The following RAPGEF1 variants were observed in gnomAD, a reference collection of about 807,000 sequenced individuals.
RAPGEF1 encodes the protein Rap guanine nucleotide exchange factor 1.
In RAPGEF1, 33 loss-of-function variants were observed where a neutral mutation model predicts 143.3. The ratio of observed to expected loss-of-function variants is 0.23; its 90% CI spans 0.17 to 0.31. The LOEUF (loss-of-function observed/expected upper bound fraction) is 0.31. Among genes scored for constraint, RAPGEF1 ranks in the 10% least tolerant of loss-of-function variants. RAPGEF1 has a pLI of 1.00. For synonymous variants in RAPGEF1, 629 were observed against 676.5 expected, an observed-to-expected ratio of 0.93 and a Z score of 1.09; for missense variants, 1,199 against 1,645.4, an observed-to-expected ratio of 0.73 and a Z score of 4.69.
Position 131,629,088 on chromosome 9 carries a change from A to G in RAPGEF1, c.893+14T>C. The G allele has an allele frequency of 6.2e-7, 1 of 1,610,022 alleles. No homozygotes were observed. Among genetic ancestry groups the G allele is most frequent in the Non-Finnish European group, 8.5e-7 (1 of 1,177,600 alleles). On this transcript the variant is annotated intron_variant, in intron 7 of 26. Transcript: ENST00000683357. Reference sequence around the variant, plus strand: ...CTGCCATGGGAGGCACTGGACAAATAGGAAGGTAATTACCTATTATCAACC... The same window carrying G: ...CTGCCATGGGAGGCACTGGACAAATGGGAAGGTAATTACCTATTATCAACC...
chr9:131,589,024 G>A (rs763244897), intron 19 of RAPGEF1, 38 bp from the exon 20 acceptor site: 11 of 1,589,940 alleles, frequency 6.9e-6, no homozygotes, highest in Middle Eastern at 1.7e-4. Flanking sequence ...GAGCAGGAAC[G>A]CAAGGCCCAG....
intron 1 of RAPGEF1, among the ~76,000 whole-genome samples, chr9:131,690,888 T>G (rs1033198240): frequency 1.3e-4 from 20 of 152,268 alleles, no homozygotes; most frequent in African/African-American, 4.3e-4. Flanking sequence ...TCTTGTTATC[T>G]ACAGTTAATT....
chr9:131,598,297 G>C lies in RAPGEF1; in HGVS notation c.2515C>G (p.Pro839Ala), dbSNP rs776348528. ...GACTGAGCCGACTCCAGAGCATCTG[G>C]TGACTTTGGGGCCCTGCGGGGAGAA... ...RDGSERAPKS[P>A]DALESAQSEE... The change falls in exon 16 of 27, where the codon CCA becomes GCA. Residue 839 changes from proline (P) to alanine (A), a missense_variant. Around this residue, in one of 6 missense-constraint regions of RAPGEF1, gnomAD observed 293 missense variants for 356.2 expected, o/e 0.82. Coordinates refer to ENST00000683357, the MANE Select transcript of RAPGEF1 (RefSeq NM_001377935.1). 6.2e-7 allele frequency: 1 copy of C among 1,613,820 alleles called. No homozygotes were observed. Among genetic ancestry groups the C allele is most frequent in the African/African-American group, 1.3e-5 (1 of 74,948 alleles).
chr9:131,647,115 C>T (rs1401328790), intron 3 of RAPGEF1, among the ~76,000 whole-genome samples: 7 of 152,232 alleles, frequency 4.6e-5, no homozygotes, highest in Admixed American at 2.6e-4. Context: ...ACAACTTCAA[C>T]ACTCTGCAGC....
In RAPGEF1 at chr9:131,740,048, G is replaced by A. The variant is rs1335000284; in HGVS notation, c.-218C>T. ...CCCGCGCGCCCGCCGCCGCTCCCCC[G>A]GCCCGCGAGCCGGCCGCAGCGCAGC... On this transcript the variant is annotated 5_prime_UTR_variant, in exon 1 of 27. Transcript: ENST00000683357. The surrounding 1 kb of genome is among the most constrained non-coding windows in gnomAD (Gnocchi z 4.5). The A allele has an allele frequency of 6.9e-6, 1 of 145,854 alleles. No homozygotes were observed. Among genetic ancestry groups the A allele is most frequent in the Non-Finnish European group, 1.5e-5 (1 of 66,084 alleles). 9.0% of individuals were successfully genotyped at this position (145,854 alleles called of 1,614,324 possible).
At chr9:131,586,419 C>CA (rs1554801971) in intron 22 of RAPGEF1, among the ~76,000 whole-genome samples, 11 of 97,652 alleles carry the variant, frequency 1.1e-4, no homozygotes, top group Non-Finnish European at 1.7e-4. Context: ...CACACACACA[C>CA]CTGCAGAGCG....
intron 4 of RAPGEF1, among the ~76,000 whole-genome samples, chr9:131,640,989 G>A (rs777808272): frequency 2.0e-5 from 3 of 152,100 alleles, no homozygotes; most frequent in Admixed American, 2.0e-4. Flanking sequence ...GGTCCTTACA[G>A]CCACACCCAG....
chr9:131,610,458 G>C (rs1429928654), intron 12 of RAPGEF1, among the ~76,000 whole-genome samples: 1 of 152,246 alleles, frequency 6.6e-6, no homozygotes, highest in Non-Finnish European at 1.5e-5. Context: ...GCATGGTGAA[G>C]TGTTTGGGAA....
intron 1 of RAPGEF1, among the ~76,000 whole-genome samples, chr9:131,678,059 T>C (rs1206095596): frequency 2.6e-5 from 4 of 152,202 alleles, no homozygotes; most frequent in Non-Finnish European, 4.4e-5. Context: ...AGAATCGAGG[T>C]CAACGCAAAC....
intron 26 of RAPGEF1, 66 bp from the exon 27 acceptor site, chr9:131,579,713 C>T: frequency 6.4e-6 from 10 of 1,560,012 alleles, no homozygotes; most frequent in Non-Finnish European, 8.7e-6. Context: ...ATGGCGCCAC[C>T]CTCCTGGAAG....
rs529757922 is a variant in RAPGEF1, at chr9:131,733,732, G to A, written c.61+6038C>T. On this transcript the variant is annotated intron_variant, in intron 1 of 26. Transcript: ENST00000683357. ...GTCAGGCCTCTCCTCTTTCCAGAGC[G>A]TGATCTTATCCTGGCCATGGGGAAC... Among the ~76,000 whole-genome samples, 10 of 152,298 alleles carry A rather than the reference G, an allele frequency of 6.6e-5. 1 individual carries two copies. Among genetic ancestry groups the A allele is most frequent in the East Asian group, 3.9e-4 (2 of 5,182 alleles).
rs749485743 is a variant in RAPGEF1, at chr9:131,580,337, G to A, written c.3567C>T (p.Ile1189=). 6.2e-6 allele frequency: 10 copies of A among 1,613,840 alleles called. No homozygotes were observed. Among genetic ancestry groups the A allele is most frequent in the African/African-American group, 5.3e-5 (4 of 74,930 alleles). The stretch of plus-strand genomic sequence containing the variant: ...GCTTGGAGAAGTTCACTTTCCCGTC[G>A]ATGTAGTCTGGGTTTCCCAGGTGAA... The part of the protein sequence containing the change: ...TFVHLGNPDY[I]DGKVNFSKRW... Residue 1189 remains isoleucine (I), a synonymous_variant, in exon 26 of 27, where the codon ATC becomes ATT. Transcript: ENST00000683357.
At position 131,584,353 on chromosome 9, in the gene RAPGEF1, C is replaced by T. The variant is rs368988617; in HGVS notation, c.3372G>A (p.Ser1124=). 530 of 1,613,542 alleles carry T rather than the reference C, an allele frequency of 3.3e-4. No homozygotes were observed. The highest frequency in any genetic ancestry group is 3.3e-4 in the Middle Eastern group (2 of 6,078). ...GCCACTCCAGCCTGCGGATGGGCGC[C>T]GAGTCCAGGGCAGAGAGGATGGCCA... ...SYLAILSALD[S]APIRRLEWQK... Residue 1124 remains serine, a synonymous_variant, in exon 24 of 27, where the codon TCG becomes TCA. Transcript: ENST00000683357. This position sits in a 1 kb window ranked among gnomAD's most constrained non-coding sequence, Gnocchi z 6.8.
At chr9:131,701,987 A>G (rs1394921272) in intron 1 of RAPGEF1, among the ~76,000 whole-genome samples, 2 of 152,206 alleles carry the variant, frequency 1.3e-5, no homozygotes, top group African/African-American at 4.8e-5. Flanking sequence ...TGATGAACCA[A>G]TGGCCTTGTC....
chr9:131,620,453 G>C (rs567334963), intron 11 of RAPGEF1, among the ~76,000 whole-genome samples: 1 of 152,202 alleles, frequency 6.6e-6, no homozygotes, highest in Non-Finnish European at 1.5e-5. Flanking sequence ...GTCTCTAAAT[G>C]AGGCATTTAT....
chr9:131,629,005 G>A, intron 7 of RAPGEF1, 97 bp downstream of exon 7: 1 of 1,441,272 alleles, frequency 6.9e-7, no homozygotes, highest in Non-Finnish European at 9.3e-7. Context: ...GGGGGGCCAA[G>A]CCCTCAGCGC....
intron 1 of RAPGEF1, among the ~76,000 whole-genome samples, chr9:131,680,265 C>T (rs910779421): frequency 1.3e-5 from 2 of 152,184 alleles, no homozygotes; most frequent in African/African-American, 2.4e-5. Flanking sequence ...TACTGAATCA[C>T]GACATCATTT....
At chr9:131,596,261 G>A (rs778822940) in intron 17 of RAPGEF1, 37 bp downstream of exon 17, 3 of 1,605,396 alleles carry the variant, frequency 1.9e-6, no homozygotes, top group South Asian at 1.1e-5. Flanking sequence ...CCCGGGGCAG[G>A]ACCAGCCCCA....
chr9:131,682,274 G>A (rs1031044303), intron 1 of RAPGEF1, among the ~76,000 whole-genome samples: 1 of 152,226 alleles, frequency 6.6e-6, no homozygotes, highest in African/African-American at 2.4e-5. Flanking sequence ...GCTAATCAGT[G>A]TCACTCTAAG....
Sources: allele counts gnomAD v4.1 joint callset (sites outside exome capture counted in the v4.1 genomes callset), GRCh38; gene constraint gnomAD v4.1.1; regional missense constraint gnomAD v4.1.1; non-coding constraint Gnocchi (gnomAD v3.1); transcripts MANE v1.5; gene names NCBI Gene and HGNC (gene_info 2026-07-23, HGNC 2026-07-21).